Variants in PATJ observed in about 807,000 individuals in gnomAD.
PATJ encodes inaD-like protein.
Under a neutral mutation model 224.9 loss-of-function variants are expected in PATJ, and 190 were observed. The observed-to-expected ratio is 0.84, with a 90% CI of 0.75 to 0.95. The LOEUF (loss-of-function observed/expected upper bound fraction) is 0.95, where lower values mean the gene tolerates loss of function less well. Among genes scored for constraint, PATJ ranks in the 40% least tolerant of loss-of-function variants. PATJ has a pLI of 0.00. For missense variants in PATJ, 2,121 were observed against 2,270.3 expected, an observed-to-expected ratio of 0.93 and a Z score of 1.34; for synonymous variants, 769 against 820.3, an observed-to-expected ratio of 0.94 and a Z score of 1.07.
chr1:61,861,307 T>TTTTTTTTTTTTTA (rs1664552874), intron 18 of PATJ, among the ~76,000 whole-genome samples: 1 of 125,790 alleles, frequency 7.9e-6, no homozygotes, highest in Non-Finnish European at 1.7e-5. Context: ...TTTTTTTTTT[T>TTTTTTTTTTTTTA]ACGTGAATGA....
intron 28 of PATJ, among the ~76,000 whole-genome samples, chr1:61,994,709 C>T (rs1320007813): frequency 6.6e-6 from 1 of 152,126 alleles, no homozygotes; most frequent in African/African-American, 2.4e-5. Context: ...TGCATGCCAC[C>T]ACGCCTGGCT....
intron 14 of PATJ, among the ~76,000 whole-genome samples, chr1:61,812,431 AGAGTGTGTGT>A (rs1655035289): frequency 9.2e-6 from 1 of 109,040 alleles, no homozygotes; most frequent in Non-Finnish European, 2.0e-5. Flanking sequence ...AGAGAGAGAG[AGAGTGTGTGT>A]GTGTGTGTGT....
At chr1:61,782,326 C>T (rs1557635392) in intron 7 of PATJ, among the ~76,000 whole-genome samples, 1 of 152,140 alleles carries the variant, frequency 6.6e-6, no homozygotes, top group Non-Finnish European at 1.5e-5. Flanking sequence ...AGCACAATGC[C>T]TCTTAGTTCC....
intron 37 of PATJ, 71 bp from the exon 38 acceptor site, chr1:62,121,110 A>G: frequency 1.1e-6 from 1 of 925,820 alleles, no homozygotes; most frequent in South Asian, 1.5e-5. Context: ...TTGGCACACT[A>G]ATGGATAAGT....
chr1:61,864,325 G>A lies in PATJ; in HGVS notation c.2527G>A (p.Glu843Lys). 1.2e-6 allele frequency: 2 copies of A among 1,614,074 alleles called. No individual in the cohort carries two copies. The highest frequency in any genetic ancestry group is 1.7e-6 in the Non-Finnish European group (2 of 1,179,942). ...LGKSFHSQQK[E>K]IEQSKEAWEM... is the part of the protein sequence containing the mutation. Reference sequence around the variant, plus strand: ...AAAGTCTTTCCATTCCCAACAAAAAGAGATAGAGCAAAGCAAGGAGGCCTG... The same window carrying A: ...AAAGTCTTTCCATTCCCAACAAAAAAAGATAGAGCAAAGCAAGGAGGCCTG... Residue 843 changes from glutamate (E) to lysine (K), a missense_variant, in exon 20 of 44, where the codon GAG (glutamate) becomes AAG (lysine). Coordinates refer to ENST00000642238, the MANE Select transcript of PATJ (RefSeq NM_001350145.3).
chr1:61,906,137 T>C (rs1278770493), intron 24 of PATJ, among the ~76,000 whole-genome samples: 1 of 152,142 alleles, frequency 6.6e-6, no homozygotes, highest in Non-Finnish European at 1.5e-5. Context: ...ATTTACCAGT[T>C]ATACAAAGGT....
intron 41 of PATJ, among the ~76,000 whole-genome samples, chr1:62,143,917 G>A (rs955457839): frequency 6.6e-6 from 1 of 152,178 alleles, no homozygotes; most frequent in Non-Finnish European, 1.5e-5. Context: ...AAAGCCAGAA[G>A]AGTGTGGGTC....
intron 1 of PATJ, among the ~76,000 whole-genome samples, chr1:61,749,253 G>T (rs1382646139): frequency 6.6e-6 from 1 of 151,550 alleles, no homozygotes; most frequent in Non-Finnish European, 1.5e-5. Context: ...TGATCCACCC[G>T]CCTCAGCCTC....
chr1:61,821,953 A>G (rs1306016687), intron 14 of PATJ, among the ~76,000 whole-genome samples: 2 of 152,222 alleles, frequency 1.3e-5, no homozygotes, highest in South Asian at 2.1e-4. Context: ...AGAGTTTCTC[A>G]GCCCTTGACT....
intron 3 of PATJ, among the ~76,000 whole-genome samples, chr1:61,764,651 G>GT (rs1646158919): frequency 6.6e-6 from 1 of 152,156 alleles, no homozygotes; most frequent in Admixed American, 6.5e-5. Context: ...GGAAAAAATG[G>GT]TTTTTGCTGA....
In PATJ at chr1:62,000,200, GT is replaced by G. The variant is rs542299615; in HGVS notation, c.3867+9849del. On this transcript the variant is annotated intron_variant, in intron 28 of 43. Transcript: ENST00000642238. Reference sequence around the variant, plus strand: ...CACCGTGCCCAGCCTAGAGTTTTTTGTTTTTTTTTTTTTATACTTTAAGTTT... The same window carrying G: ...CACCGTGCCCAGCCTAGAGTTTTTTGTTTTTTTTTTTTATACTTTAAGTTT... 4.2e-3 allele frequency among the ~76,000 whole-genome samples: 486 copies of G among 115,694 alleles called. 1 individual carries two copies. Among genetic ancestry groups the G allele is most frequent in the Non-Finnish European group, 5.7e-3 (285 of 49,990 alleles). The allele number at this position is 115,694 out of a possible 152,430, so 75.9% of individuals were successfully genotyped here. A position where few individuals can be genotyped will look rare whatever the true frequency, so the allele number is the denominator to read the frequency against.
At chr1:62,039,621 G>A (rs962204505) in intron 30 of PATJ, among the ~76,000 whole-genome samples, 3 of 152,188 alleles carry the variant, frequency 2.0e-5, no homozygotes, top group Admixed American at 1.3e-4. Context: ...TTACAGAGAA[G>A]GCTACTTGTG....
At position 61,806,944 on chromosome 1, in the gene PATJ, G is replaced by C. The variant is rs186365700; in HGVS notation, c.1626+1420G>C. ...AGAAGGGTGGATCACTTGAGGTCGG[G>C]AGTCTGAGACCAGCCTGGCCAACAT... On this transcript the variant is annotated intron_variant, in intron 13 of 43. Transcript: ENST00000642238. 5.0e-4 allele frequency among the ~76,000 whole-genome samples: 76 copies of C among 151,986 alleles called. 1 individual carries two copies. The highest frequency in any genetic ancestry group is 8.8e-5 in the Non-Finnish European group (6 of 68,008).
intron 43 of PATJ, among the ~76,000 whole-genome samples, chr1:62,156,178 T>G (rs1669192460): frequency 2.0e-5 from 3 of 147,412 alleles, no homozygotes; most frequent in Non-Finnish European, 4.5e-5. Flanking sequence ...GAGTTCAAGA[T>G]CAGCCTGGAC....
intron 32 of PATJ, 29 bp from the exon 33 acceptor site, chr1:62,084,486 C>T (rs749383609): frequency 3.1e-6 from 5 of 1,589,934 alleles, no homozygotes; most frequent in East Asian, 2.3e-5. Context: ...TCTTACATGC[C>T]AGTCATGCTG....
At chr1:61,875,575 G>A in intron 21 of PATJ, 1 of 397,712 alleles carries the variant, frequency 2.5e-6, no homozygotes, top group Non-Finnish European at 4.6e-6. Context: ...TCTGTTTTTT[G>A]AGAAGGCTAC....
chr1:62,125,413 A>G (rs1307729571), intron 39 of PATJ, among the ~76,000 whole-genome samples: 2 of 152,148 alleles, frequency 1.3e-5, no homozygotes, highest in Non-Finnish European at 2.9e-5. Context: ...TCTTTAGCAT[A>G]GCACCTAGTG....
intron 17 of PATJ, among the ~76,000 whole-genome samples, chr1:61,847,292 T>C (rs1227755963): frequency 6.6e-6 from 1 of 152,238 alleles, no homozygotes; most frequent in Non-Finnish European, 1.5e-5. Context: ...CAAGCTTATG[T>C]ACTTTTTGTT....
At chr1:61,749,228 G>A (rs141903028) in intron 1 of PATJ, among the ~76,000 whole-genome samples, 2,151 of 151,086 alleles carry the variant, frequency 0.014, 54 homozygotes, top group African/African-American at 0.05. Flanking sequence ...GGCTGGTCTC[G>A]AACTCCTGAC....
Sources: gnomAD v4.1 joint callset for allele counts (sites outside exome capture counted in the v4.1 genomes callset) on GRCh38, gnomAD v4.1.1 for gene constraint, MANE v1.5 for transcripts, NCBI Gene and HGNC (gene_info 2026-07-23, HGNC 2026-07-21) for gene names.